The following CDK8 variants were observed in gnomAD, a reference collection of about 807,000 sequenced individuals.
The protein encoded by CDK8 is cyclin dependent kinase 8.
CDK8 carries 29 observed loss-of-function variants against 71.5 expected under a neutral mutation model. That is an observed-to-expected ratio of 0.41 (90% CI 0.30 to 0.55). The LOEUF (loss-of-function observed/expected upper bound fraction) is 0.55. Among genes scored for constraint, CDK8 ranks in the 20% least tolerant of loss-of-function variants. The pLI is 0.37. For synonymous variants in CDK8, 161 were observed against 192.1 expected (o/e 0.84, Z 1.34); for missense variants, 288 against 572.6 (o/e 0.50, Z 5.07).
intron 6 of CDK8, among the ~76,000 whole-genome samples, chr13:26,392,737 GA>G (rs952747829): frequency 1.3e-5 from 2 of 151,662 alleles, no homozygotes; most frequent in Non-Finnish European, 2.9e-5. Context: ...AACCACTTTG[GA>G]AAAAAAACTT....
chr13:26,399,249 A>G (rs778550563), intron 9 of CDK8, among the ~76,000 whole-genome samples: 2 of 152,140 alleles, frequency 1.3e-5, no homozygotes, highest in Non-Finnish European at 2.9e-5. Flanking sequence ...ACCTCAGGTG[A>G]TCCATCCACC....
At chr13:26,310,699 C>T (rs913407140) in intron 1 of CDK8, among the ~76,000 whole-genome samples, 10 of 152,086 alleles carry the variant, frequency 6.6e-5, no homozygotes, top group Admixed American at 5.9e-4. Flanking sequence ...GCCTGCTGCT[C>T]ACCTCGTGCT....
rs146653829 is a variant in CDK8 at position 26,390,334 on chromosome 13, A to C, written c.647-3033A>C. 3.8e-3 allele frequency among the ~76,000 whole-genome samples: 579 copies of C among 152,304 alleles called. 4 individuals carry two copies. Among genetic ancestry groups the C allele is most frequent in the African/African-American group, 0.013 (545 of 41,570 alleles). On this transcript the variant is annotated intron_variant, in intron 6 of 12. Coordinates refer to ENST00000381527, the MANE Select transcript of CDK8 (RefSeq NM_001260.3). The stretch of plus-strand genomic sequence containing the variant: ...AAGGAGCAAAAGCATAGGGAAAAAA[A>C]TCTGATCAGAACGCATCAAACTCAC...
intron 4 of CDK8, among the ~76,000 whole-genome samples, chr13:26,377,845 A>G (rs1424140382): frequency 1.3e-5 from 2 of 152,232 alleles, no homozygotes; most frequent in African/African-American, 2.4e-5. Context: ...GAAATGTGAG[A>G]TATGTGTCAG....
intron 8 of CDK8, 74 bp from the exon 9 acceptor site, chr13:26,397,079 C>T (rs971003387): frequency 4.9e-6 from 4 of 808,374 alleles, no homozygotes; most frequent in Admixed American, 4.1e-5. Context: ...AAATAATTCT[C>T]ATCAGAAGGA....
intron 1 of CDK8, among the ~76,000 whole-genome samples, chr13:26,312,767 C>T (rs1263453145): frequency 6.6e-6 from 1 of 152,178 alleles, no homozygotes; most frequent in African/African-American, 2.4e-5. Flanking sequence ...CTTGTGTGCC[C>T]TCTTGCTTCT....
chr13:26,368,638 T>C (rs913514316), intron 4 of CDK8, among the ~76,000 whole-genome samples: 1 of 152,236 alleles, frequency 6.6e-6, no homozygotes, highest in African/African-American at 2.4e-5. Context: ...TTAGGACTTA[T>C]TCACTAATAC....
At chr13:26,308,644 G>C (rs1874147772) in intron 1 of CDK8, among the ~76,000 whole-genome samples, 1 of 152,194 alleles carries the variant, frequency 6.6e-6, no homozygotes, top group Non-Finnish European at 1.5e-5. Flanking sequence ...TCTACCTCTA[G>C]TAACAAGTTT....
chr13:26,332,858 T>C (rs796109353), intron 1 of CDK8, among the ~76,000 whole-genome samples: 11 of 152,346 alleles, frequency 7.2e-5, no homozygotes, highest in African/African-American at 2.6e-4. Flanking sequence ...ACCTTGAACA[T>C]ACATTGCGTT....
At chr13:26,291,088 C>A (rs1171445574) in intron 1 of CDK8, among the ~76,000 whole-genome samples, 1 of 112,268 alleles carries the variant, frequency 8.9e-6, no homozygotes, top group Non-Finnish European at 2.0e-5. Flanking sequence ...CACTGCACTC[C>A]AGCCTGGGTG....
intron 1 of CDK8, among the ~76,000 whole-genome samples, chr13:26,302,217 T>A (rs775248171): frequency 2.0e-5 from 3 of 152,222 alleles, no homozygotes; most frequent in Non-Finnish European, 2.9e-5. Context: ...CTTTATTTGC[T>A]TATGAACTGA....
At chr13:26,262,879 T>A (rs1871833961) in intron 1 of CDK8, among the ~76,000 whole-genome samples, 1 of 152,248 alleles carries the variant, frequency 6.6e-6, no homozygotes, top group Non-Finnish European at 1.5e-5. Flanking sequence ...GTAACTCAGT[T>A]ACTCATCTCA....
At chr13:26,397,044 A>G (rs1876028260) in intron 8 of CDK8, 109 bp from the exon 9 acceptor site, 1 of 680,298 alleles carries the variant, frequency 1.5e-6, no homozygotes, top group Non-Finnish European at 2.6e-6. Context: ...TGTTTTCAAT[A>G]TATATTTTAT....
intron 2 of CDK8, among the ~76,000 whole-genome samples, chr13:26,346,447 TA>T (rs1198890179): frequency 1.3e-5 from 2 of 152,262 alleles, no homozygotes; most frequent in African/African-American, 2.4e-5. Context: ...TGTTTTTTTA[TA>T]ATTTACACCC....
chr13:26,352,744 T>C (rs1873735167), intron 3 of CDK8, among the ~76,000 whole-genome samples: 1 of 152,230 alleles, frequency 6.6e-6, no homozygotes, highest in African/African-American at 2.4e-5. Flanking sequence ...CGTAGATATT[T>C]GCTATATATT....
chr13:26,343,694 T>C (rs1021543717), intron 2 of CDK8, among the ~76,000 whole-genome samples: 2 of 152,202 alleles, frequency 1.3e-5, no homozygotes, highest in African/African-American at 4.8e-5. Flanking sequence ...CTATAAGCAC[T>C]GTACACTTAG....
chr13:26,384,273 G>A (rs966069560), intron 5 of CDK8, among the ~76,000 whole-genome samples: 4 of 151,644 alleles, frequency 2.6e-5, no homozygotes, highest in African/African-American at 9.7e-5. Context: ...TGTAATTAAG[G>A]TGATTATAGT....
intron 4 of CDK8, among the ~76,000 whole-genome samples, chr13:26,372,101 G>C (rs1249290301): frequency 2.0e-5 from 3 of 152,238 alleles, no homozygotes; most frequent in African/African-American, 7.2e-5. Context: ...GTGTGTACTA[G>C]AAATAAAGAT....
chr13:26,371,790 G>C (rs1315566954), intron 4 of CDK8, among the ~76,000 whole-genome samples: 1 of 151,898 alleles, frequency 6.6e-6, no homozygotes, highest in Non-Finnish European at 1.5e-5. Flanking sequence ...TAATTTTTTT[G>C]TATTTTTAGT....
Sources: gnomAD v4.1 joint callset for allele counts (sites outside exome capture counted in the v4.1 genomes callset) on GRCh38, gnomAD v4.1.1 for gene constraint, MANE v1.5 for transcripts, NCBI Gene and HGNC (gene_info 2026-07-23, HGNC 2026-07-21) for gene names.